ADK: variants seen among roughly 807,000 people sequenced by gnomAD.
ADK encodes adenosine kinase, also known as N6,N6-dimethyladenosine kinase.
In ADK, 24 loss-of-function variants were observed where a neutral mutation model predicts 44.7. The ratio of observed to expected loss-of-function variants is 0.54; its 90% CI spans 0.39 to 0.76. The LOEUF (loss-of-function observed/expected upper bound fraction) is 0.76. Among genes scored for constraint, ADK ranks in the 30% least tolerant of loss-of-function variants. ADK has a pLI of 0.00. For synonymous variants in ADK, 128 were observed against 142.6 expected, an observed-to-expected ratio of 0.90 and a Z score of 0.73; for missense variants, 321 against 425.1, an observed-to-expected ratio of 0.76 and a Z score of 2.15.
chr10:74,336,759 C>T (rs1013817111), intron 4 of ADK, among the ~76,000 whole-genome samples: 1 of 152,184 alleles, frequency 6.6e-6, no homozygotes, highest in African/African-American at 2.4e-5. Flanking sequence ...TTGCACATAA[C>T]CTATGCATAT....
chr10:74,584,500 TA>T (rs1851467717), intron 7 of ADK, among the ~76,000 whole-genome samples: 1 of 152,182 alleles, frequency 6.6e-6, no homozygotes, highest in African/African-American at 2.4e-5. Flanking sequence ...ATGTTGCACT[TA>T]AAGCCATTCA....
chr10:74,159,597 ATT>A (rs540245325), intron 1 of ADK, among the ~76,000 whole-genome samples: 7 of 146,900 alleles, frequency 4.8e-5, no homozygotes, highest in South Asian at 2.2e-4. Flanking sequence ...AGTCCATCTA[ATT>A]TTTTTTTTTT....
chr10:74,399,250 C>G (rs1174654816), intron 6 of ADK, among the ~76,000 whole-genome samples: 1 of 150,148 alleles, frequency 6.7e-6, no homozygotes, highest in Non-Finnish European at 1.5e-5. Context: ...AAGTAGATAC[C>G]TATGAAAAAA....
At chr10:74,386,560 TC>T (rs1843147631) in intron 4 of ADK, among the ~76,000 whole-genome samples, 1 of 152,194 alleles carries the variant, frequency 6.6e-6, no homozygotes, top group Non-Finnish European at 1.5e-5. Context: ...GTAAATTTTT[TC>T]CTTCTGGCTC....
intron 2 of ADK, among the ~76,000 whole-genome samples, chr10:74,206,379 T>G (rs941158157): frequency 6.6e-6 from 1 of 152,130 alleles, no homozygotes; most frequent in African/African-American, 2.4e-5. Flanking sequence ...TTTGGGGAGG[T>G]GGCAAGCTTT....
At chr10:74,316,587 C>T (rs2131809682) in intron 4 of ADK, among the ~76,000 whole-genome samples, 1 of 152,326 alleles carries the variant, frequency 6.6e-6, no homozygotes, top group African/African-American at 2.4e-5. Flanking sequence ...CCTTTCTTCT[C>T]CTTTGCCTTC....
intron 6 of ADK, among the ~76,000 whole-genome samples, chr10:74,515,585 C>A (rs1848536531): frequency 6.6e-6 from 1 of 152,056 alleles, no homozygotes; most frequent in Non-Finnish European, 1.5e-5. Flanking sequence ...ATCTCTCAGG[C>A]CATTATTGGG....
In ADK at chr10:74,454,382, TA is replaced by T. The variant is rs540439489; in HGVS notation, c.555+55804del. Among the ~76,000 whole-genome samples, 297 of 152,306 alleles carry T rather than the reference TA, an allele frequency of 2.0e-3. 3 individuals carry two copies. Among genetic ancestry groups the T allele is most frequent in the African/African-American group, 6.9e-3 (286 of 41,580 alleles). On this transcript the variant is annotated intron_variant, in intron 6 of 10. Transcript: ENST00000539909. ...TTTATGCAAAAAATATTGGTGTTTT[TA>T]TACTTTTTATTTTAAAAAATATATA...
chr10:74,628,197 T>G (rs1344609893), intron 9 of ADK, among the ~76,000 whole-genome samples: 2 of 152,166 alleles, frequency 1.3e-5, no homozygotes, highest in African/African-American at 4.8e-5. Flanking sequence ...ACAGTCTCAA[T>G]TCAGGCTCAA....
rs140973875 is a variant in ADK at position 74,581,255 on chromosome 10, A to G, written c.727-8027A>G. Among the ~76,000 whole-genome samples the G allele has an allele frequency of 3.8e-3, 583 of 152,286 alleles. 5 individuals are homozygous for G. The highest frequency in any genetic ancestry group is 6.3e-3 in the Non-Finnish European group (427 of 68,036). Reference sequence around the variant, plus strand: ...ATTAAAGAGTAATGTGGGAAATGTAAAAAAAGACCTAATTTCTAGAAATAA... The same window carrying G: ...ATTAAAGAGTAATGTGGGAAATGTAGAAAAAGACCTAATTTCTAGAAATAA... On this transcript the variant is annotated intron_variant, in intron 7 of 10. Coordinates refer to ENST00000539909, the MANE Select transcript of ADK (RefSeq NM_006721.4).
chr10:74,404,971 T>C (rs2132905340), intron 6 of ADK, among the ~76,000 whole-genome samples: 1 of 152,150 alleles, frequency 6.6e-6, no homozygotes, highest in African/African-American at 2.4e-5. Context: ...TTTGGAATAT[T>C]TGCAGCCATT....
chr10:74,303,279 T>G (rs1236881911), intron 3 of ADK, among the ~76,000 whole-genome samples: 1 of 152,192 alleles, frequency 6.6e-6, no homozygotes, highest in East Asian at 1.9e-4. Context: ...CTAGTCTATA[T>G]TTTTAAAGTT....
intron 4 of ADK, among the ~76,000 whole-genome samples, chr10:74,373,269 G>C (rs993465644): frequency 7.2e-5 from 11 of 152,094 alleles, no homozygotes; most frequent in African/African-American, 2.7e-4. Flanking sequence ...GCTGGCAAAT[G>C]ATTCTTAGAT....
intron 9 of ADK, among the ~76,000 whole-genome samples, chr10:74,609,297 C>T (rs925978434): frequency 1.3e-5 from 2 of 152,156 alleles, no homozygotes; most frequent in Non-Finnish European, 2.9e-5. Context: ...AACAAAAACT[C>T]CTGCAGCTAG....
chr10:74,506,348 A>G, intron 6 of ADK: 1 of 263,716 alleles, frequency 3.8e-6, no homozygotes, highest in Non-Finnish European at 7.5e-6. Context: ...CAAGCAAGTC[A>G]GCTTTTTTTT....
intron 9 of ADK, among the ~76,000 whole-genome samples, chr10:74,623,233 G>T (rs1853063052): frequency 6.6e-6 from 1 of 152,024 alleles, no homozygotes; most frequent in African/African-American, 2.4e-5. Context: ...ATACTATAAT[G>T]CACAAGACAG....
intron 7 of ADK, among the ~76,000 whole-genome samples, chr10:74,538,770 A>ATTGATATTT (rs1849537378): frequency 6.6e-6 from 1 of 152,102 alleles, no homozygotes; most frequent in Non-Finnish European, 1.5e-5. Context: ...AAGAGACTTT[A>ATTGATATTT]TTGATATTTT....
At chr10:74,365,744 A>C (rs1842478059) in intron 4 of ADK, among the ~76,000 whole-genome samples, 1 of 152,194 alleles carries the variant, frequency 6.6e-6, no homozygotes, top group African/African-American at 2.4e-5. Context: ...TTGCTGGGTC[A>C]TATGGTAATT....
intron 7 of ADK, among the ~76,000 whole-genome samples, chr10:74,584,219 C>G (rs942331615): frequency 3.9e-5 from 6 of 152,174 alleles, no homozygotes; most frequent in Admixed American, 3.3e-4. Flanking sequence ...TGCTCTGACA[C>G]TCATTTGTTT....
Sources: allele counts gnomAD v4.1 joint callset (sites outside exome capture counted in the v4.1 genomes callset), GRCh38; gene constraint gnomAD v4.1.1; transcripts MANE v1.5; gene names NCBI Gene and HGNC (gene_info 2026-07-23, HGNC 2026-07-21).